The following RBMXL3 variants were observed in gnomAD, a reference collection of about 807,000 sequenced individuals.
RBMXL3 encodes the protein RBMX like 3, also known as RNA-binding motif protein, X-linked-like-3.
In RBMXL3, 2 loss-of-function variants were observed where a neutral mutation model predicts 0.8. The observed-to-expected ratio is 2.54, with a 90% CI of 1.04 to 8.00. The LOEUF is 8.00. Among genes scored for constraint, RBMXL3 ranks in the 30% most tolerant of loss-of-function variants. RBMXL3 has a pLI of 0.04. For missense variants in RBMXL3, 1,127 were observed against 1,068.0 expected, an observed-to-expected ratio of 1.06 and a Z score of -0.77; for synonymous variants, 447 against 449.8, an observed-to-expected ratio of 0.99 and a Z score of 0.08.
rs782503690 is a variant in RBMXL3, at chrX:115,189,965, G to T, written c.524G>T (p.Gly175Val). Residue 175 changes from glycine to valine, a missense_variant, in exon 1 of 1, where the codon GGC (glycine) becomes GTC (valine). Physicochemically the swap from Gly to Val is moderately radical, Grantham distance 109. Coordinates refer to ENST00000424776, the MANE Select transcript of RBMXL3 (RefSeq NM_001145346.2). ...ATPSSLAHSV[G>V]CGMRGKAPTV... is the part of the protein sequence containing the mutation. ...CCGTCGAGCCTGGCTCACAGCGTTG[G>T]CTGTGGAATGCGCGGGAAGGCACCG... 1.3e-5 allele frequency: 15 copies of T among 1,162,357 alleles called. No individual in the cohort carries two copies. In the African/African-American group the frequency reaches 2.3e-4, roughly 18 times the overall value.
At position 115,190,602 on chromosome X, in the gene RBMXL3, C is replaced by T. The variant is rs1207380777; in HGVS notation, c.1161C>T (p.Gly387=). The T allele has an allele frequency of 5.2e-6, 1 of 193,465 alleles. No individual in the cohort carries two copies. Among genetic ancestry groups the T allele is most frequent in the Non-Finnish European group, 8.5e-6 (1 of 117,872 alleles). The allele number at this position is 193,465 out of a possible 1,213,427, so 15.9% of individuals were successfully genotyped here. A position where few individuals can be genotyped will look rare whatever the true frequency, so the allele number is the denominator to read the frequency against. The change falls in exon 1 of 1, where the codon GGC becomes GGT. Residue 387 remains glycine, a synonymous_variant. Coordinates refer to ENST00000424776, the MANE Select transcript of RBMXL3 (RefSeq NM_001145346.2). ...GGAGTGACCGCTACGGAGAAGAAGG[C>T]TGCTACGAGGAGTACAGAGGCCGCT... ...YSRSDRYGEE[G]CYEEYRGRSP...
Position 115,189,594 on chromosome X carries a change from C to T in RBMXL3, c.153C>T (p.Phe51=), listed in dbSNP as rs1489659409. 9.4e-6 allele frequency: 11 copies of T among 1,169,399 alleles called. No homozygotes were observed. In the African/African-American group the frequency reaches 1.2e-4, roughly 13 times the overall value. The change falls in exon 1 of 1, where the codon TTC becomes TTT. Residue 51 remains phenylalanine, a synonymous_variant. Coordinates refer to ENST00000424776, the MANE Select transcript of RBMXL3 (RefSeq NM_001145346.2). The part of the protein sequence containing the change: ...KDRKTNKSRG[F]AFVTFESPAD... ...GAAAAACCAACAAGTCGAGGGGCTT[C>T]GCGTTCGTCACCTTCGAAAGCCCTG...
In RBMXL3 at chrX:115,191,440, G is replaced by A. The variant is rs782356890; in HGVS notation, c.1999G>A (p.Gly667Ser). ...CCAGAGCAACTGCTACGGAGGAGGAGGCCGCTACGAGGAGTACCGAGGCCG... is the reference window on the plus strand; with the variant it reads ...CCAGAGCAACTGCTACGGAGGAGGAAGCCGCTACGAGGAGTACCGAGGCCG... ...SGQSNCYGGG[G>S]RYEEYRGRLL... Residue 667 changes from glycine (G) to serine (S), a missense_variant, in exon 1 of 1, where the codon GGC becomes AGC. By Grantham distance (56) the Gly-to-Ser change is moderately conservative (BLOSUM62 0). Coordinates refer to ENST00000424776, the MANE Select transcript of RBMXL3 (RefSeq NM_001145346.2). The A allele has an allele frequency of 4.9e-5, 56 of 1,147,915 alleles. No individual in the cohort carries two copies. Among genetic ancestry groups the A allele is most frequent in the Non-Finnish European group, 6.3e-5 (54 of 863,697 alleles). The allele number at this position is 1,147,915 out of a possible 1,213,427, so 94.6% of individuals were successfully genotyped here. A position where few individuals can be genotyped will look rare whatever the true frequency, so the allele number is the denominator to read the frequency against.
rs1258153525 is a variant in RBMXL3, at chrX:115,192,826, T to A, written c.*181T>A. ...AAACTTAAAATTAGTTTGAAATTGT[T>A]AATGTTTCTTTCAACAAGTTCTTGT... On this transcript the variant is annotated 3_prime_UTR_variant, in exon 1 of 1. Coordinates refer to ENST00000424776, the MANE Select transcript of RBMXL3 (RefSeq NM_001145346.2). 6.4e-6 allele frequency: 3 copies of A among 468,815 alleles called. No individual in the cohort carries two copies. The highest frequency in any genetic ancestry group is 8.1e-5 in the Admixed American group (2 of 24,688). The allele number at this position is 468,815 out of a possible 1,213,427, so 38.6% of individuals were successfully genotyped here.
Position 115,191,713 on chromosome X carries a change from G to C in RBMXL3, c.2272G>C (p.Asp758His), listed in dbSNP as rs1556559914. 1 of 1,162,615 alleles carries C rather than the reference G, an allele frequency of 8.6e-7. No individual in the cohort carries two copies. The highest frequency in any genetic ancestry group is 1.1e-6 in the Non-Finnish European group (1 of 871,704). Residue 758 changes from aspartate to histidine, a missense_variant, in exon 1 of 1, where the codon GAC becomes CAC. Transcript: ENST00000424776. ...LDANSSGRLP[D>H]AYSGGHDSSS... ...TGCCAACAGCAGTGGCCGCTTGCCT[G>C]ACGCCTACAGTGGGGGCCATGACAG...
In RBMXL3 at chrX:115,189,744, C is replaced by T. The variant is rs781887005; in HGVS notation, c.303C>T (p.Ser101=). The change falls in exon 1 of 1, where the codon AGC becomes AGT. Residue 101 remains serine (S), a synonymous_variant. Coordinates refer to ENST00000424776, the MANE Select transcript of RBMXL3 (RefSeq NM_001145346.2). ...SSRWVPPTPG[S]GSRSRFSHRT... Reference sequence around the variant, plus strand: ...GATGGGTCCCGCCAACCCCCGGCAGCGGCAGTCGCTCAAGGTTCTCACACA... The same window carrying T: ...GATGGGTCCCGCCAACCCCCGGCAGTGGCAGTCGCTCAAGGTTCTCACACA... 5.1e-5 allele frequency: 59 copies of T among 1,165,556 alleles called. No individual in the cohort carries two copies. The highest frequency in any genetic ancestry group is 2.1e-4 in the African/African-American group (12 of 56,236).
At position 115,191,706 on chromosome X, in the gene RBMXL3, C is replaced by T. The variant is rs1556559904; in HGVS notation, c.2265C>T (p.Arg755=). ...GRSLDANSSG[R]LPDAYSGGHD... is the part of the protein sequence containing the mutation. ...CACTCGATGCCAACAGCAGTGGCCG[C>T]TTGCCTGACGCCTACAGTGGGGGCC... Residue 755 remains arginine (R), a synonymous_variant, in exon 1 of 1, where the codon CGC becomes CGT. Transcript: ENST00000424776. 1 of 1,164,816 alleles carries T rather than the reference C, an allele frequency of 8.6e-7. No homozygotes were observed. The highest frequency in any genetic ancestry group is 1.9e-5 in the South Asian group (1 of 52,565).
rs1556556990 is a variant in RBMXL3, at chrX:115,190,258, C to T, written c.817C>T (p.Arg273Cys). ...YYGHSSVPDY[R>C]PLRGDGNQNG... ...TGGCCACTCCAGTGTCCCGGACTACCGTCCCTTGAGAGGCGACGGCAACCA... is the reference window on the plus strand; with the variant it reads ...TGGCCACTCCAGTGTCCCGGACTACTGTCCCTTGAGAGGCGACGGCAACCA... Residue 273 changes from arginine to cysteine, a missense_variant, in exon 1 of 1, where the codon CGT becomes TGT. Coordinates refer to ENST00000424776, the MANE Select transcript of RBMXL3 (RefSeq NM_001145346.2). 5 of 1,157,738 alleles carry T rather than the reference C, an allele frequency of 4.3e-6. No homozygotes were observed. Among genetic ancestry groups the T allele is most frequent in the South Asian group, 1.9e-5 (1 of 51,666 alleles).
chrX:115,191,655 CG>C lies in RBMXL3; in HGVS notation c.2215del (p.Asp739ThrfsTer235), dbSNP rs2072825112. On this transcript the variant is annotated frameshift_variant, in exon 1 of 1. Coordinates refer to ENST00000424776, the MANE Select transcript of RBMXL3 (RefSeq NM_001145346.2). LOFTEE classifies it low-confidence loss of function (END_TRUNC). ...GGGGCCACGACAGTTCCAGCCAGAG[CG>C]ACCACTATGGAGGAGGAGGTCGCTC... ...SRGHDSSSQS[D>X]HYGGGGRSLD... 9 of 1,158,481 alleles carry C rather than the reference CG, an allele frequency of 7.8e-6. No homozygotes were observed. The highest frequency in any genetic ancestry group is 9.2e-6 in the Non-Finnish European group (8 of 868,533).
Position 115,190,341 on chromosome X carries a change from C to T in RBMXL3, c.900C>T (p.Tyr300=). The change falls in exon 1 of 1, where the codon TAC becomes TAT. Residue 300 remains tyrosine (Y), a synonymous_variant. Transcript: ENST00000424776. ...CAGATCATCCCAGCAAAGGCTCCTACCGAGAGCCCCTCAAGAGCTACGGAG... is the reference window on the plus strand; with the variant it reads ...CAGATCATCCCAGCAAAGGCTCCTATCGAGAGCCCCTCAAGAGCTACGGAG... The part of the protein sequence containing the change: ...EYTDHPSKGS[Y]REPLKSYGGP... 3 of 1,160,054 alleles carry T rather than the reference C, an allele frequency of 2.6e-6. No homozygotes were observed. Among genetic ancestry groups the T allele is most frequent in the Middle Eastern group, 2.4e-4 (1 of 4,250 alleles).
chrX:115,189,998 C>G lies in RBMXL3; in HGVS notation c.557C>G (p.Ser186Trp). ...CGMRGKAPTVSGQDGYSGLQP... is the reference protein window; with the variant it reads ...CGMRGKAPTVWGQDGYSGLQP... ...ATGCGCGGGAAGGCACCGACTGTGTCGGGGCAAGATGGCTACTCAGGCTTG... is the reference window on the plus strand; with the variant it reads ...ATGCGCGGGAAGGCACCGACTGTGTGGGGGCAAGATGGCTACTCAGGCTTG... Residue 186 changes from serine to tryptophan, a missense_variant, in exon 1 of 1, where the codon TCG becomes TGG. Coordinates refer to ENST00000424776, the MANE Select transcript of RBMXL3 (RefSeq NM_001145346.2). 12 of 1,161,687 alleles carry G rather than the reference C, an allele frequency of 1.0e-5. No homozygotes were observed. The highest frequency in any genetic ancestry group is 1.4e-5 in the Non-Finnish European group (12 of 870,992).
At position 115,190,980 on chromosome X, in the gene RBMXL3, C is replaced by T; in HGVS notation, c.1539C>T (p.Asn513=). 8.6e-7 allele frequency: 1 copy of T among 1,163,510 alleles called. No individual in the cohort carries two copies. The highest frequency in any genetic ancestry group is 2.6e-5 in the Admixed American group (1 of 38,218). The stretch of plus-strand genomic sequence containing the variant: ...GAGTAGGAGGCCACTATGAGGAGAA[C>T]CGAGGCCACTCTCTGGATGCCAACA... The part of the protein sequence containing the change: ...RYGVGGHYEE[N]RGHSLDANSG... The change falls in exon 1 of 1, where the codon AAC becomes AAT. Residue 513 remains asparagine, a synonymous_variant. Transcript: ENST00000424776.
chrX:115,189,524 T>G lies in RBMXL3; in HGVS notation c.83T>G (p.Phe28Cys). 29 of 1,181,546 alleles carry G rather than the reference T, an allele frequency of 2.5e-5. No individual in the cohort carries two copies. The highest frequency in any genetic ancestry group is 3.3e-5 in the Non-Finnish European group (29 of 879,548). Reference protein sequence around the residue: ...KTDEKALKAEFGKYGHIIKVF... With the variant: ...KTDEKALKAECGKYGHIIKVF... ...GACGAGAAAGCCCTCAAAGCCGAGT[T>G]TGGCAAGTATGGCCACATCATCAAG... Residue 28 changes from phenylalanine (F) to cysteine (C), a missense_variant, in exon 1 of 1, where the codon TTT becomes TGT. Coordinates refer to ENST00000424776, the MANE Select transcript of RBMXL3 (RefSeq NM_001145346.2).
chrX:115,190,840 G>A lies in RBMXL3; in HGVS notation c.1399G>A (p.Gly467Arg), dbSNP rs1202502317. Residue 467 changes from glycine (G) to arginine (R), a missense_variant, in exon 1 of 1, where the codon GGA becomes AGA. Transcript: ENST00000424776. ...TTCCAGCTGGAGCGACTGCTGCGGA[G>A]GAGGAGGCCGTTATGAGGAGTACCA... ...DSSSWSDCCG[G>R]GGRYEEYQGR... 1 of 1,155,353 alleles carries A rather than the reference G, an allele frequency of 8.7e-7. No individual in the cohort carries two copies. The highest frequency in any genetic ancestry group is 1.2e-6 in the Non-Finnish European group (1 of 865,883).
Position 115,189,454 on chromosome X carries a change from G to A in RBMXL3, c.13G>A (p.Asp5Asn). Residue 5 changes from aspartate (D) to asparagine (N), a missense_variant, in exon 1 of 1, where the codon GAT becomes AAT. Coordinates refer to ENST00000424776, the MANE Select transcript of RBMXL3 (RefSeq NM_001145346.2). Reference protein sequence around the residue: MMEADRPEKLFIGGL... With the variant: MMEANRPEKLFIGGL... ...TCGGCAGGGAGACATGATGGAAGCG[G>A]ATCGCCCAGAGAAGCTTTTCATTGG... is the stretch of plus-strand genomic sequence containing the variant. 3.4e-6 allele frequency: 4 copies of A among 1,172,173 alleles called. No individual in the cohort carries two copies. The highest frequency in any genetic ancestry group is 4.6e-6 in the Non-Finnish European group (4 of 874,737).
In RBMXL3 at chrX:115,191,794, C is replaced by G; in HGVS notation, c.2353C>G (p.Arg785Gly). ...AGGCCGCTACGAGGAGTACCGAGGC[C>G]GCTCGCTCGATGCCAACAGCGGAGG... ...GGGRYEEYRG[R>G]SLDANSGGRS... is the part of the protein sequence containing the mutation. The change falls in exon 1 of 1, where the codon CGC becomes GGC. Residue 785 changes from arginine (R) to glycine (G), a missense_variant. By Grantham distance (125) the Arg-to-Gly change is moderately radical. Coordinates refer to ENST00000424776, the MANE Select transcript of RBMXL3 (RefSeq NM_001145346.2). 1 of 1,156,466 alleles carries G rather than the reference C, an allele frequency of 8.6e-7. No individual in the cohort carries two copies. Among genetic ancestry groups the G allele is most frequent in the Non-Finnish European group, 1.2e-6 (1 of 865,837 alleles).
Position 115,192,844 on chromosome X carries a change from G to A in RBMXL3, c.*199G>A. ...AAATTGTTAATGTTTCTTTCAACAAGTTCTTGTTAAAAGTATAAGATATGA... is the reference window on the plus strand; with the variant it reads ...AAATTGTTAATGTTTCTTTCAACAAATTCTTGTTAAAAGTATAAGATATGA... On this transcript the variant is annotated 3_prime_UTR_variant, in exon 1 of 1. Coordinates refer to ENST00000424776, the MANE Select transcript of RBMXL3 (RefSeq NM_001145346.2). 3 of 440,586 alleles carry A rather than the reference G, an allele frequency of 6.8e-6. No homozygotes were observed. Among genetic ancestry groups the A allele is most frequent in the Non-Finnish European group, 7.9e-6 (2 of 252,013 alleles). 36.3% of individuals were successfully genotyped at this position (440,586 alleles called of 1,213,427 possible).
rs200736288 is a variant in RBMXL3, at chrX:115,190,370, C to T, written c.929C>T (p.Pro310Leu). The change falls in exon 1 of 1, where the codon CCA (proline) becomes CTA (leucine). Residue 310 changes from proline to leucine, a missense_variant. By Grantham distance (98) the Pro-to-Leu change is moderately conservative. Coordinates refer to ENST00000424776, the MANE Select transcript of RBMXL3 (RefSeq NM_001145346.2). ...YREPLKSYGGPCGAAPVWGTP... is the reference protein window; with the variant it reads ...YREPLKSYGGLCGAAPVWGTP... ...GAGCCCCTCAAGAGCTACGGAGGCC[C>T]ATGCGGCGCTGCCCCTGTGTGGGGG... 221 of 1,160,755 alleles carry T rather than the reference C, an allele frequency of 1.9e-4. 1 individual carries two copies. In the African/African-American group the frequency reaches 3.6e-3, roughly 19 times the overall value.
rs782276686 is a variant in RBMXL3, at chrX:115,190,384, C to A, written c.943C>A (p.Pro315Thr). The A allele has an allele frequency of 2.6e-6, 3 of 1,161,528 alleles. No homozygotes were observed. Among genetic ancestry groups the A allele is most frequent in the Non-Finnish European group, 3.4e-6 (3 of 870,376 alleles). ...KSYGGPCGAAPVWGTPPSYGG... is the reference protein window; with the variant it reads ...KSYGGPCGAATVWGTPPSYGG... Reference sequence around the variant, plus strand: ...CTACGGAGGCCCATGCGGCGCTGCCCCTGTGTGGGGGACACCGCCATCTTA... The same window carrying A: ...CTACGGAGGCCCATGCGGCGCTGCCACTGTGTGGGGGACACCGCCATCTTA... The change falls in exon 1 of 1, where the codon CCT becomes ACT. Residue 315 changes from proline to threonine, a missense_variant. Physicochemically the swap from Pro to Thr is conservative, Grantham distance 38. Coordinates refer to ENST00000424776, the MANE Select transcript of RBMXL3 (RefSeq NM_001145346.2).
Sources: gnomAD v4.1 joint callset for allele counts on GRCh38, gnomAD v4.1.1 for gene constraint, MANE v1.5 for transcripts, NCBI Gene and HGNC (gene_info 2026-07-23, HGNC 2026-07-21) for gene names.